SLC30A9: variants seen among roughly 807,000 people sequenced by gnomAD.
SLC30A9 encodes the protein proton-coupled zinc antiporter SLC30A9, mitochondrial.
In SLC30A9, 58 loss-of-function variants were observed where a neutral mutation model predicts 87.5. The observed-to-expected ratio is 0.66, with a 90% CI of 0.54 to 0.82. SLC30A9 has a LOEUF of 0.82. Among genes scored for constraint, SLC30A9 ranks in the 40% least tolerant of loss-of-function variants. The probability of loss-of-function intolerance (pLI) is 0.00; values close to 1 mark genes in which losing one functional copy is unlikely to be tolerated. For synonymous variants in SLC30A9, 234 were observed against 233.0 expected (o/e 1.00, Z -0.04); for missense variants, 557 against 679.1 (o/e 0.82, Z 2.00).
At chr4:42,066,704 A>G (rs1449840474) in intron 13 of SLC30A9, 83 bp downstream of exon 13, 5 of 849,612 alleles carry the variant, frequency 5.9e-6, no homozygotes, top group Non-Finnish European at 9.6e-6. Flanking sequence ...TTTGTTCCTA[A>G]TAGAAATGTA....
intron 6 of SLC30A9, among the ~76,000 whole-genome samples, chr4:42,024,452 C>G (rs148342223): frequency 9.2e-5 from 14 of 152,228 alleles, no homozygotes; most frequent in Non-Finnish European, 1.6e-4. Flanking sequence ...GTATAGTACC[C>G]CATTGTATGG....
At chr4:42,037,169 C>T (rs1716708300) in intron 7 of SLC30A9, among the ~76,000 whole-genome samples, 1 of 149,408 alleles carries the variant, frequency 6.7e-6, no homozygotes, top group South Asian at 2.1e-4. Context: ...TGGTTGTTCT[C>T]TCACTGAAGA....
chr4:41,990,614 G>C lies in SLC30A9; in HGVS notation c.-38G>C, dbSNP rs1456980068. The C allele has an allele frequency of 3.0e-6, 4 of 1,328,644 alleles. No homozygotes were observed. Among genetic ancestry groups the C allele is most frequent in the South Asian group, 1.2e-5 (1 of 82,452 alleles). 82.3% of individuals were successfully genotyped at this position (1,328,644 alleles called of 1,614,324 possible). ...TGGTACCGGTGGCGGCGCGGAGGCA[G>C]AAGGCGGTGTCCGAGTAGGGGCCTC... On this transcript the variant is annotated 5_prime_UTR_variant, in exon 1 of 18. Transcript: ENST00000264451.
Position 41,990,585 on chromosome 4 carries a change from C to A in SLC30A9, c.-67C>A. On this transcript the variant is annotated 5_prime_UTR_variant, in exon 1 of 18. An upstream open reading frame in the 5' UTR gains an earlier in-frame stop. Coordinates refer to ENST00000264451, the MANE Select transcript of SLC30A9 (RefSeq NM_006345.4). ...TTCGCTGATGTCCAGTCTATGGAGT[C>A]AGTTGGTACCGGTGGCGGCGCGGAG... 1 of 922,458 alleles carries A rather than the reference C, an allele frequency of 1.1e-6. No individual in the cohort carries two copies. Among genetic ancestry groups the A allele is most frequent in the Non-Finnish European group, 1.7e-6 (1 of 590,032 alleles). 57.1% of individuals were successfully genotyped at this position (922,458 alleles called of 1,614,324 possible). A position where few individuals can be genotyped will look rare whatever the true frequency, so the allele number is the denominator to read the frequency against.
At chr4:42,030,620 G>A (rs1040850819) in intron 6 of SLC30A9, among the ~76,000 whole-genome samples, 7 of 151,000 alleles carry the variant, frequency 4.6e-5, no homozygotes, top group African/African-American at 1.7e-4. Context: ...AAAGATAATG[G>A]CCCATCAATG....
chr4:42,002,729 A>G (rs1560534851), intron 2 of SLC30A9, among the ~76,000 whole-genome samples: 1 of 152,266 alleles, frequency 6.6e-6, no homozygotes, highest in Middle Eastern at 3.4e-3. Context: ...TAGTGCTGCA[A>G]TGAACATATG....
At position 42,060,220 on chromosome 4, in the gene SLC30A9, T is replaced by C. The variant is rs1465991910; in HGVS notation, c.870T>C (p.Ser290=). ...QGLLALGISK[S]VQTPDPSHPY... is the part of the protein sequence containing the mutation. ...TACTAGCATTGGGCATCAGTAAGTC[T>C]GTTCAAACACCAGATCCTTCTCATC... The change falls in exon 10 of 18, where the codon TCT becomes TCC. Residue 290 remains serine, a synonymous_variant. Transcript: ENST00000264451. 6.2e-7 allele frequency: 1 copy of C among 1,612,786 alleles called. No individual in the cohort carries two copies. The highest frequency in any genetic ancestry group is 8.5e-7 in the Non-Finnish European group (1 of 1,179,194).
At chr4:42,054,183 G>A (rs918460297) in intron 9 of SLC30A9, among the ~76,000 whole-genome samples, 7 of 151,904 alleles carry the variant, frequency 4.6e-5, no homozygotes, top group Non-Finnish European at 8.8e-5. Context: ...GGTGAAACCC[G>A]CATCTCTACT....
chr4:42,085,652 A>G (rs1044631319), intron 17 of SLC30A9, among the ~76,000 whole-genome samples: 3 of 152,170 alleles, frequency 2.0e-5, no homozygotes, highest in African/African-American at 7.2e-5. Flanking sequence ...TTATTTAATA[A>G]TCATAGCTCT....
At chr4:41,996,445 T>TATC (rs1266193342) in intron 1 of SLC30A9, among the ~76,000 whole-genome samples, 9 of 151,970 alleles carry the variant, frequency 5.9e-5, no homozygotes, top group South Asian at 4.2e-4. Context: ...TGTTTTAAAA[T>TATC]ATCACTCTGG....
chr4:42,027,988 A>G (rs1239237725), intron 6 of SLC30A9, among the ~76,000 whole-genome samples: 3 of 152,368 alleles, frequency 2.0e-5, no homozygotes, highest in Non-Finnish European at 4.4e-5. Flanking sequence ...ATTTTGAATG[A>G]TGTTCCTTGG....
intron 2 of SLC30A9, among the ~76,000 whole-genome samples, chr4:42,009,845 A>T (rs904700500): frequency 6.6e-6 from 1 of 152,200 alleles, no homozygotes; most frequent in Admixed American, 6.5e-5. Context: ...TTGACAGTAG[A>T]TATCAGTTGT....
chr4:42,082,401 A>T (rs1718774079), intron 17 of SLC30A9, among the ~76,000 whole-genome samples: 1 of 152,324 alleles, frequency 6.6e-6, no homozygotes, highest in African/African-American at 2.4e-5. Flanking sequence ...TCACTGGCAT[A>T]TTCCTTCATT....
At chr4:42,024,073 AATTAC>A (rs1716089460) in intron 6 of SLC30A9, among the ~76,000 whole-genome samples, 1 of 152,202 alleles carries the variant, frequency 6.6e-6, no homozygotes, top group South Asian at 2.1e-4. Flanking sequence ...AAATCATATC[AATTAC>A]TTTTTTACAG....
At chr4:42,030,819 C>CTCT (rs1402623986) in intron 6 of SLC30A9, among the ~76,000 whole-genome samples, 1 of 152,198 alleles carries the variant, frequency 6.6e-6, no homozygotes, top group Non-Finnish European at 1.5e-5. Context: ...GTCTTGACAT[C>CTCT]TCTTCCCTTG....
rs28719110 is a variant in SLC30A9, at chr4:41,994,692, A to C, written c.109+3932A>C. Among the ~76,000 whole-genome samples the C allele has an allele frequency of 3.0e-3, 463 of 151,916 alleles. 4 individuals carry two copies. The highest frequency in any genetic ancestry group is 0.01 in the African/African-American group (434 of 41,460). On this transcript the variant is annotated intron_variant, in intron 1 of 17. Transcript: ENST00000264451. Reference sequence around the variant, plus strand: ...AGAGTATTGACAGTTACAAAAGACCAGTCTGGCCAACATCGTGAAACCTCA... The same window carrying C: ...AGAGTATTGACAGTTACAAAAGACCCGTCTGGCCAACATCGTGAAACCTCA...
intron 8 of SLC30A9, among the ~76,000 whole-genome samples, chr4:42,047,281 G>A (rs532381625): frequency 5.3e-5 from 8 of 152,284 alleles, no homozygotes; most frequent in African/African-American, 1.2e-4. Flanking sequence ...ACTATTATCC[G>A]AGTGAACAGG....
At position 42,032,431 on chromosome 4, in the gene SLC30A9, TATAA is replaced by T. The variant is rs564477092; in HGVS notation, c.611-2840_611-2837del. ...AAGGATGTAACTAGAAGCCTTGGAG[TATAA>T]ATATTTAGGAGGATTCTAAATTATT... On this transcript the variant is annotated intron_variant, in intron 6 of 17. Transcript: ENST00000264451. Among the ~76,000 whole-genome samples, 7 of 152,310 alleles carry T rather than the reference TATAA, an allele frequency of 4.6e-5. No individual in the cohort carries two copies. In the South Asian group the frequency reaches 1.0e-3, roughly 23 times the overall value.
intron 7 of SLC30A9, among the ~76,000 whole-genome samples, chr4:42,035,915 C>T (rs13137350): frequency 0.65 from 99,321 of 152,034 alleles, 36,923 homozygotes; most frequent in East Asian, 0.96. Context: ...GATTTATATC[C>T]GTCATACACA....
Sources: gnomAD v4.1 joint callset for allele counts (sites outside exome capture counted in the v4.1 genomes callset) on GRCh38, gnomAD v4.1.1 for gene constraint, MANE v1.5 for transcripts, NCBI Gene and HGNC (gene_info 2026-07-23, HGNC 2026-07-21) for gene names.